Variants in DIP2C observed in about 807,000 individuals in gnomAD.
The protein encoded by DIP2C is DIP2 acetate--CoA ligase C (putative), also known as disco-interacting protein 2 homolog C.
Under a neutral mutation model 192.4 loss-of-function variants are expected in DIP2C, and 33 were observed. The ratio of observed to expected loss-of-function variants is 0.17; its 90% CI spans 0.13 to 0.23. The LOEUF is 0.23. Ranked by LOEUF, DIP2C falls within the 10% of genes least tolerant of loss-of-function variation. The pLI, the probability that DIP2C is intolerant of heterozygous loss-of-function variation, is 1.00. For missense variants in DIP2C, 1,537 were observed against 2,110.1 expected, an observed-to-expected ratio of 0.73 and a Z score of 5.32; for synonymous variants, 979 against 864.1, an observed-to-expected ratio of 1.13 and a Z score of -2.33.
intron 4 of DIP2C, among the ~76,000 whole-genome samples, chr10:435,283 G>GGTCTAC (rs1360589839): frequency 6.6e-6 from 1 of 152,184 alleles, no homozygotes; most frequent in African/African-American, 2.4e-5. Flanking sequence ...TAGTTAACTA[G>GGTCTAC]CTTCTCTGGA....
intron 22 of DIP2C, among the ~76,000 whole-genome samples, chr10:358,982 G>A (rs1176040006): frequency 2.6e-5 from 4 of 152,034 alleles, no homozygotes; most frequent in Admixed American, 1.3e-4. Flanking sequence ...TTAAATTCCC[G>A]ATAAAGGTCA....
At chr10:411,817 T>C (rs1235112666) in intron 8 of DIP2C, among the ~76,000 whole-genome samples, 3 of 152,254 alleles carry the variant, frequency 2.0e-5, no homozygotes, top group Non-Finnish European at 1.5e-5. Context: ...TCATCTACGT[T>C]AGCGTTTCTA....
At chr10:443,502 G>A (rs911682359) in intron 3 of DIP2C, among the ~76,000 whole-genome samples, 1 of 152,160 alleles carries the variant, frequency 6.6e-6, no homozygotes, top group Non-Finnish European at 1.5e-5. Flanking sequence ...CGGGTGTGCT[G>A]TCACTGGGGG....
chr10:414,739 G>GTGTGTGTGTATATATA, intron 7 of DIP2C, among the ~76,000 whole-genome samples: 1,607 of 90,496 alleles, frequency 0.018, 80 homozygotes, highest in Non-Finnish European at 0.023. Flanking sequence ...GTGTGTGTGT[G>GTGTGTGTGTATATATA]TACATATATA....
At chr10:423,341 G>A (rs1464548256) in intron 4 of DIP2C, among the ~76,000 whole-genome samples, 1 of 152,212 alleles carries the variant, frequency 6.6e-6, no homozygotes, top group Non-Finnish European at 1.5e-5. Context: ...GTTTGCTTGT[G>A]TCACCCACAA....
intron 1 of DIP2C, chr10:649,987 C>A: frequency 1.6e-6 from 1 of 630,598 alleles, no homozygotes; most frequent in Non-Finnish European, 2.8e-6. Flanking sequence ...GCAGTGTTTG[C>A]CGTCCAAAGT....
At chr10:575,206 T>A (rs141275783) in intron 1 of DIP2C, among the ~76,000 whole-genome samples, 1 of 152,226 alleles carries the variant, frequency 6.6e-6, no homozygotes, top group Non-Finnish European at 1.5e-5. Context: ...AAACATGGAA[T>A]TATTAATACT....
chr10:517,173 C>T (rs1222420308), intron 1 of DIP2C, among the ~76,000 whole-genome samples: 13 of 152,098 alleles, frequency 8.5e-5, no homozygotes, highest in Admixed American at 8.5e-4. Flanking sequence ...CATCCCCATC[C>T]AGCCAAGCCC....
intron 31 of DIP2C, among the ~76,000 whole-genome samples, chr10:317,738 C>A (rs1956836650): frequency 6.6e-6 from 1 of 152,206 alleles, no homozygotes; most frequent in East Asian, 1.9e-4. Context: ...CTCCAACATT[C>A]CTGGAGACAG....
chr10:439,910 T>C (rs1358586108), intron 4 of DIP2C, among the ~76,000 whole-genome samples: 2 of 152,194 alleles, frequency 1.3e-5, no homozygotes, highest in Non-Finnish European at 2.9e-5. Flanking sequence ...AAAAAAATGG[T>C]GTCAAAGTGG....
At chr10:415,424 C>T (rs554393085) in intron 7 of DIP2C, among the ~76,000 whole-genome samples, 15 of 152,292 alleles carry the variant, frequency 9.8e-5, no homozygotes, top group East Asian at 5.8e-4. Flanking sequence ...GCACTTCACA[C>T]GCCAGTTTTG....
intron 1 of DIP2C, among the ~76,000 whole-genome samples, chr10:553,178 G>C (rs1848668782): frequency 6.6e-6 from 1 of 152,230 alleles, no homozygotes; most frequent in Non-Finnish European, 1.5e-5. Context: ...CTGGGGCCCA[G>C]GAAGAGCTGG....
intron 17 of DIP2C, among the ~76,000 whole-genome samples, chr10:375,697 C>T (rs1435255484): frequency 6.6e-6 from 1 of 152,140 alleles, no homozygotes; most frequent in Non-Finnish European, 1.5e-5. Flanking sequence ...CTCCTGACCA[C>T]AAGCAGAGCC....
chr10:283,202 C>T (rs540557030), intron 35 of DIP2C, 70 bp downstream of exon 35: 6 of 1,549,948 alleles, frequency 3.9e-6, no homozygotes, highest in African/African-American at 2.7e-5. Context: ...TTGGGAAAGG[C>T]TTCTGTATCT....
chr10:278,479 C>T (rs985751788), intron 36 of DIP2C, among the ~76,000 whole-genome samples: 1 of 152,144 alleles, frequency 6.6e-6, no homozygotes, highest in African/African-American at 2.4e-5. Context: ...CCCTTGGGTC[C>T]GGAGGATAAG....
At chr10:292,981 A>C (rs368680659) in intron 32 of DIP2C, among the ~76,000 whole-genome samples, 4 of 152,364 alleles carry the variant, frequency 2.6e-5, no homozygotes, top group East Asian at 3.9e-4. Context: ...ACGTCAAAAC[A>C]ACCAAGAAAC....
intron 2 of DIP2C, among the ~76,000 whole-genome samples, chr10:473,144 A>G (rs1393310068): frequency 6.6e-6 from 1 of 152,202 alleles, no homozygotes; most frequent in Non-Finnish European, 1.5e-5. Context: ...GGTGAATAAC[A>G]AAAAACATTA....
At chr10:448,170 C>T (rs1221120275) in intron 3 of DIP2C, among the ~76,000 whole-genome samples, 1 of 121,374 alleles carries the variant, frequency 8.2e-6, no homozygotes, top group Non-Finnish European at 1.6e-5. Flanking sequence ...CGCTCACTCC[C>T]GTCGATACTC....
At chr10:499,430 G>T (rs1255833802) in intron 1 of DIP2C, among the ~76,000 whole-genome samples, 1 of 152,208 alleles carries the variant, frequency 6.6e-6, no homozygotes, top group Non-Finnish European at 1.5e-5. Context: ...TTGACTCACA[G>T]TTACACATGG....
Sources: gnomAD v4.1 joint callset for allele counts (sites outside exome capture counted in the v4.1 genomes callset) on GRCh38, gnomAD v4.1.1 for gene constraint, MANE v1.5 for transcripts, NCBI Gene and HGNC (gene_info 2026-07-23, HGNC 2026-07-21) for gene names.